The following SGK3 variants were observed in gnomAD, a reference collection of about 807,000 sequenced individuals.
The protein encoded by SGK3 is serine/threonine-protein kinase Sgk3.
Under a neutral mutation model 68.5 loss-of-function variants are expected in SGK3, and 47 were observed. That is an observed-to-expected ratio of 0.69 (90% CI 0.54 to 0.87). The LOEUF is 0.87. SGK3 is among the 40% of genes least tolerant of loss of function. The pLI is 0.00. For missense variants in SGK3, 479 were observed against 575.5 expected (o/e 0.83, Z 1.72); for synonymous variants, 181 against 189.1 (o/e 0.96, Z 0.35).
intron 1 of SGK3, among the ~76,000 whole-genome samples, chr8:66,768,429 T>C (rs1806396397): frequency 6.6e-6 from 1 of 152,114 alleles, no homozygotes; most frequent in Admixed American, 6.5e-5. Context: ...CTTTTTTTTT[T>C]TTCAGTCTGA....
In SGK3 at chr8:66,835,941, A is replaced by G; in HGVS notation, c.610-2A>G. 1 of 1,612,358 alleles carries G rather than the reference A, an allele frequency of 6.2e-7. No individual in the cohort carries two copies. The highest frequency in any genetic ancestry group is 1.3e-5 in the African/African-American group (1 of 74,814). The stretch of plus-strand genomic sequence containing the variant: ...ACAATTGATCTTTTGCCTTTTTTCC[A>G]GCAAAAACATATTATGGCTGAACGT... On this transcript the variant is annotated splice_acceptor_variant, in intron 9 of 16. Transcript: ENST00000521198. LOFTEE classifies it high-confidence loss of function.
chr8:66,829,668 A>T (rs1003672712), intron 7 of SGK3, among the ~76,000 whole-genome samples: 1 of 152,172 alleles, frequency 6.6e-6, no homozygotes, highest in Non-Finnish European at 1.5e-5. Flanking sequence ...GGTGGTTGAT[A>T]TAAGACCCTG....
rs764044813 is a variant in SGK3, at chr8:66,819,787, G to GT, written c.330-2577dup. 6.9e-3 allele frequency among the ~76,000 whole-genome samples: 1,022 copies of GT among 148,970 alleles called. 15 individuals are homozygous for GT. The highest frequency in any genetic ancestry group is 0.022 in the African/African-American group (914 of 40,672). On this transcript the variant is annotated intron_variant, in intron 5 of 16. Transcript: ENST00000521198. ...TAAAGCATACAATTCAGTAGTTTTTGTTTTTTTTGTTTTTGTTTTTGTTTT... is the reference window on the plus strand; with the variant it reads ...TAAAGCATACAATTCAGTAGTTTTTGTTTTTTTTTGTTTTTGTTTTTGTTTT...
At chr8:66,767,615 G>A in intron 1 of SGK3, 4 of 1,366,158 alleles carry the variant, frequency 2.9e-6, no homozygotes, top group Non-Finnish European at 4.2e-6. Context: ...TGCTCTTCAG[G>A]CAGGTCAAAA....
chr8:66,771,518 A>G (rs1472550248), intron 1 of SGK3, among the ~76,000 whole-genome samples: 1 of 152,236 alleles, frequency 6.6e-6, no homozygotes, highest in Admixed American at 6.5e-5. Flanking sequence ...TTAATAGGAC[A>G]TAGAGCTTGC....
intron 1 of SGK3, among the ~76,000 whole-genome samples, chr8:66,768,175 C>T (rs1184061402): frequency 1.3e-5 from 2 of 152,110 alleles, no homozygotes; most frequent in African/African-American, 4.8e-5. Flanking sequence ...ATACTGTTGT[C>T]ATATATTTTA....
At chr8:66,727,063 A>G (rs930259274) in intron 1 of SGK3, among the ~76,000 whole-genome samples, 6 of 152,104 alleles carry the variant, frequency 3.9e-5, no homozygotes, top group African/African-American at 1.4e-4. Flanking sequence ...CTAAGTTCCT[A>G]TTAACCAAGT....
At chr8:66,798,649 C>T in intron 3 of SGK3, 24 bp downstream of exon 3, 1 of 1,561,150 alleles carries the variant, frequency 6.4e-7, no homozygotes, top group Non-Finnish European at 8.7e-7. Context: ...TACAAGATTT[C>T]TAATTAAAAG....
At chr8:66,849,635 A>G (rs1018370626) in intron 15 of SGK3, among the ~76,000 whole-genome samples, 1 of 138,810 alleles carries the variant, frequency 7.2e-6, no homozygotes, top group Non-Finnish European at 1.5e-5. Context: ...TTGCTCTGTC[A>G]CCGATGCTGG....
chr8:66,742,669 A>G lies in SGK3; in HGVS notation c.-122+29836A>G, dbSNP rs557782462. On this transcript the variant is annotated intron_variant, in intron 1 of 16. Coordinates refer to ENST00000521198, the MANE Select transcript of SGK3 (RefSeq NM_001033578.3). The stretch of plus-strand genomic sequence containing the variant: ...GGCATGAGCCACCATGCCTGGCTCT[A>G]TATTTTTAATTTATGTAATTTTTAT... Among the ~76,000 whole-genome samples the G allele has an allele frequency of 3.3e-5, 5 of 152,300 alleles. No individual in the cohort carries two copies. The South Asian group carries it at 8.3e-4, about 25-fold the overall frequency.
At chr8:66,776,374 T>A (rs905786728) in intron 1 of SGK3, among the ~76,000 whole-genome samples, 1 of 152,232 alleles carries the variant, frequency 6.6e-6, no homozygotes, top group Non-Finnish European at 1.5e-5. Context: ...TTATATCGCT[T>A]TATACAGAAC....
chr8:66,786,925 CTTTTTTTTTTTTTTTT>C (rs71249407), intron 1 of SGK3, among the ~76,000 whole-genome samples: 81 of 48,708 alleles, frequency 1.7e-3, no homozygotes, highest in Non-Finnish European at 2.1e-3. Context: ...TTTTCTCTGT[CTTTTTTTTTTTTTTTT>C]TTTTTTTTTT....
At chr8:66,818,508 C>G (rs1036219403) in intron 5 of SGK3, among the ~76,000 whole-genome samples, 4 of 152,096 alleles carry the variant, frequency 2.6e-5, no homozygotes, top group Non-Finnish European at 5.9e-5. Context: ...ATATCATCCC[C>G]TTAGGCCAAA....
At chr8:66,747,705 G>A (rs753121971) in intron 1 of SGK3, among the ~76,000 whole-genome samples, 6 of 152,062 alleles carry the variant, frequency 3.9e-5, no homozygotes, top group Non-Finnish European at 5.9e-5. Context: ...CTACAGGTGT[G>A]TGCCACCACG....
At position 66,798,547 on chromosome 8, in the gene SGK3, T is replaced by C. The variant is rs368906716; in HGVS notation, c.102T>C (p.Tyr34=). Residue 34 remains tyrosine, a synonymous_variant, in exon 3 of 17, where the codon TAT becomes TAC. Transcript: ENST00000521198. ...GTAATTTTTTATTTCCACAGGTTTA[T>C]AAAGTTCTGGTTTCAGTGGGAAGAA... ...HREKKKRFTV[Y]KVLVSVGRSE... The C allele has an allele frequency of 1.9e-6, 3 of 1,608,994 alleles. No homozygotes were observed. The highest frequency in any genetic ancestry group is 2.5e-6 in the Non-Finnish European group (3 of 1,177,518).
chr8:66,824,460 T>TA (rs112955943), intron 6 of SGK3, among the ~76,000 whole-genome samples: 2 of 151,070 alleles, frequency 1.3e-5, no homozygotes, highest in African/African-American at 4.9e-5. Flanking sequence ...TCTACCAAAT[T>TA]AAAAAAAAAT....
chr8:66,814,364 T>C (rs1000984398), intron 5 of SGK3, among the ~76,000 whole-genome samples: 1 of 152,240 alleles, frequency 6.6e-6, no homozygotes. Flanking sequence ...GGATAATTTT[T>C]ATGATAGAGG....
intron 1 of SGK3, among the ~76,000 whole-genome samples, chr8:66,771,988 T>C (rs955129994): frequency 1.3e-5 from 2 of 150,284 alleles, no homozygotes; most frequent in African/African-American, 4.9e-5. Context: ...GTTACTTCAG[T>C]ATCATAATAT....
At chr8:66,826,400 T>C (rs1433452936) in intron 6 of SGK3, among the ~76,000 whole-genome samples, 2 of 151,560 alleles carry the variant, frequency 1.3e-5, no homozygotes, top group African/African-American at 4.9e-5. Context: ...TAAGGAACAC[T>C]GAAATATTTT....
Sources: gnomAD v4.1 joint callset for allele counts (sites outside exome capture counted in the v4.1 genomes callset) on GRCh38, gnomAD v4.1.1 for gene constraint, MANE v1.5 for transcripts, NCBI Gene and HGNC (gene_info 2026-07-23, HGNC 2026-07-21) for gene names.